The following MCFD2 variants were observed in gnomAD, a reference collection of about 807,000 sequenced individuals.
MCFD2 encodes the protein multiple coagulation factor deficiency protein 2.
Under a neutral mutation model 12.8 loss-of-function variants are expected in MCFD2, and 11 were observed. The ratio of observed to expected loss-of-function variants is 0.86; its 90% confidence interval spans 0.54 to 1.42. MCFD2 has a LOEUF of 1.42. MCFD2 is among the 40% of genes most tolerant of loss of function. The pLI is 0.00. For missense variants in MCFD2, 191 were observed against 178.6 expected (o/e 1.07, Z -0.40); for synonymous variants, 70 against 68.1 (o/e 1.03, Z -0.14).
upstream of MCFD2, among the ~76,000 whole-genome samples, chr2:46,918,441 A>G (rs1448885670): frequency 6.6e-6 from 1 of 152,210 alleles, no homozygotes; most frequent in African/African-American, 2.4e-5. Context: ...TCCTGCTTCC[A>G]TTCTTGCCCT....
intron 1 of MCFD2, among the ~76,000 whole-genome samples, chr2:46,914,877 G>A (rs1186411796): frequency 6.6e-6 from 1 of 152,234 alleles, no homozygotes; most frequent in Non-Finnish European, 1.5e-5. Flanking sequence ...TATGGTTGAA[G>A]ACACAGTACA....
At chr2:46,934,248 T>C (rs1388000695) in intron 1 of MCFD2, among the ~76,000 whole-genome samples, 1 of 152,208 alleles carries the variant, frequency 6.6e-6, no homozygotes, top group Non-Finnish European at 1.5e-5. Flanking sequence ...GAAGAAACCA[T>C]TTAAATGAAC....
chr2:46,931,928 C>T (rs1300817393), intron 1 of MCFD2, among the ~76,000 whole-genome samples: 2 of 152,042 alleles, frequency 1.3e-5, no homozygotes, highest in Admixed American at 6.6e-5. Context: ...TAAGTTGATT[C>T]CAGAAATGTG....
rs980065051 is a variant in MCFD2 at position 46,937,867 on chromosome 2, G to T, written c.-8+3705C>A. On this transcript the variant is annotated intron_variant, in intron 1 of 2. Coordinates refer to the MCFD2 transcript ENST00000409147. The surrounding 1 kb of genome is among the most constrained non-coding windows in gnomAD (Gnocchi z 4.0). ...GTGAAAGCAAAATGTGCTGTAATTA[G>T]TTCTTTGTCAAGAGAGAAGTCTGTT... Among the ~76,000 whole-genome samples the T allele has an allele frequency of 6.6e-6, 1 of 152,168 alleles. No homozygotes were observed.
intron 1 of MCFD2, among the ~76,000 whole-genome samples, chr2:46,933,157 C>G (rs1669800442): frequency 6.6e-6 from 1 of 152,088 alleles, no homozygotes; most frequent in African/African-American, 2.4e-5. Flanking sequence ...GAGAGGGGCC[C>G]ATTGTAGCAG....
intron 1 of MCFD2, among the ~76,000 whole-genome samples, chr2:46,910,484 C>T (rs1202581676): frequency 6.6e-6 from 1 of 152,164 alleles, no homozygotes; most frequent in Non-Finnish European, 1.5e-5. Flanking sequence ...AAAGACAAAC[C>T]ATAAGGCACT....
chr2:46,940,095 CCT>C lies in MCFD2; in HGVS notation c.-8+1475_-8+1476del, dbSNP rs1670206579. ...AGGAAGACTGTCTTCAACTAATCAC[CCT>C]GTGTGGCTTCATGTGAAAGGCCACA... is the stretch of plus-strand genomic sequence containing the variant. On this transcript the variant is annotated intron_variant, in intron 1 of 2. Transcript: ENST00000409147. This position sits in a 1 kb window ranked among gnomAD's most constrained non-coding sequence, Gnocchi z 4.7. Among the ~76,000 whole-genome samples, 1 of 152,056 alleles carries C rather than the reference CCT, an allele frequency of 6.6e-6. No individual in the cohort carries two copies. Among genetic ancestry groups the C allele is most frequent in the African/African-American group, 2.4e-5 (1 of 41,406 alleles).
Position 46,902,080 on chromosome 2 carries a change from G to T in MCFD2, c.*3383C>A, listed in dbSNP as rs969427644. ...CTGTATACATCCTACGACAAATTTTGTAGTCTCTTTTTCCCATTCAATCAT... is the reference window on the plus strand; with the variant it reads ...CTGTATACATCCTACGACAAATTTTTTAGTCTCTTTTTCCCATTCAATCAT... On this transcript the variant is annotated 3_prime_UTR_variant, in exon 4 of 4. Coordinates refer to ENST00000319466, the MANE Select transcript of MCFD2 (RefSeq NM_139279.6). The T allele has an allele frequency of 6.6e-6, 1 of 152,636 alleles. No homozygotes were observed. Among genetic ancestry groups the T allele is most frequent in the African/African-American group, 2.4e-5 (1 of 41,464 alleles). 9.5% of individuals were successfully genotyped at this position (152,636 alleles called of 1,614,324 possible).
At chr2:46,931,406 A>G (rs907198486) in intron 1 of MCFD2, among the ~76,000 whole-genome samples, 3 of 152,246 alleles carry the variant, frequency 2.0e-5, no homozygotes, top group Admixed American at 6.5e-5. Context: ...TTTACATGCA[A>G]AAAGGACTTT....
At chr2:46,931,031 A>C (rs895416832) in intron 1 of MCFD2, among the ~76,000 whole-genome samples, 1 of 152,236 alleles carries the variant, frequency 6.6e-6, no homozygotes, top group Non-Finnish European at 1.5e-5. Flanking sequence ...TCTAAACAAA[A>C]CATTTTATTA....
intron 1 of MCFD2, among the ~76,000 whole-genome samples, chr2:46,931,689 CAATAATAA>C (rs1357284413): frequency 8.6e-6 from 1 of 116,672 alleles, no homozygotes; most frequent in Non-Finnish European, 1.7e-5. Flanking sequence ...CAAAAACAGA[CAATAATAA>C]ATAAATAAAT....
intron 1 of MCFD2, among the ~76,000 whole-genome samples, chr2:46,922,544 T>C (rs928747801): frequency 1.5e-5 from 2 of 135,456 alleles, no homozygotes; most frequent in Admixed American, 1.4e-4. Flanking sequence ...AATTTTTTTT[T>C]CCCCAGTCAA....
Position 46,908,962 on chromosome 2 carries a change from C to CGCTG in MCFD2, c.149+57_149+60dup. The CGCTG allele has an allele frequency of 6.3e-7, 1 of 1,599,606 alleles. No homozygotes were observed. Among genetic ancestry groups the CGCTG allele is most frequent in the Non-Finnish European group, 8.6e-7 (1 of 1,166,738 alleles). ...AAAGGAGGACTGAGCATGCCCTTGC[C>CGCTG]GCTGGCTCAGCTGCAGATGATGGGG... On this transcript the variant is annotated intron_variant, in intron 2 of 3. Coordinates refer to ENST00000319466, the MANE Select transcript of MCFD2 (RefSeq NM_139279.6). This position sits in a 1 kb window ranked among gnomAD's most constrained non-coding sequence, Gnocchi z 4.5.
Position 46,915,799 on chromosome 2 carries a change from C to T in MCFD2, c.-83G>A. The T allele has an allele frequency of 1.4e-6, 1 of 702,870 alleles. No homozygotes were observed. The highest frequency in any genetic ancestry group is 6.7e-4 in the Middle Eastern group (1 of 1,488). 43.5% of individuals were successfully genotyped at this position (702,870 alleles called of 1,614,324 possible). A position where few individuals can be genotyped will look rare whatever the true frequency, so the allele number is the denominator to read the frequency against. On this transcript the variant is annotated 5_prime_UTR_variant, in exon 1 of 4. Transcript: ENST00000319466. Reference sequence around the variant, plus strand: ...CCCCCGTCCCCAAAACGCTCTTCCTCGGCTTCGCCCCGCCCCCCCCCCCCC... The same window carrying T: ...CCCCCGTCCCCAAAACGCTCTTCCTTGGCTTCGCCCCGCCCCCCCCCCCCC...
intron 1 of MCFD2, among the ~76,000 whole-genome samples, chr2:46,931,661 G>T (rs1237756781): frequency 6.6e-6 from 1 of 151,044 alleles, no homozygotes; most frequent in African/African-American, 2.5e-5. Flanking sequence ...AGGCCAGCTG[G>T]TTCTTTGGGG....
chr2:46,933,750 T>C (rs1189453825), intron 1 of MCFD2, among the ~76,000 whole-genome samples: 1 of 152,222 alleles, frequency 6.6e-6, no homozygotes, highest in Non-Finnish European at 1.5e-5. Context: ...ATGATCTGAG[T>C]GGCTGAAATG....
At chr2:46,927,151 G>A (rs2103824639) in intron 1 of MCFD2, among the ~76,000 whole-genome samples, 1 of 152,056 alleles carries the variant, frequency 6.6e-6, no homozygotes, top group African/African-American at 2.4e-5. Flanking sequence ...AGTCACAGGA[G>A]GAGAGGAGAG....
intron 1 of MCFD2, among the ~76,000 whole-genome samples, chr2:46,924,880 G>A (rs1317889874): frequency 6.6e-6 from 1 of 152,248 alleles, no homozygotes; most frequent in Non-Finnish European, 1.5e-5. Context: ...GCCTGCCTTG[G>A]CCTTCCAGAG....
chr2:46,930,497 A>ATT (rs575100979), intron 1 of MCFD2, among the ~76,000 whole-genome samples: 72 of 132,028 alleles, frequency 5.5e-4, no homozygotes, highest in African/African-American at 1.8e-3. Context: ...AAGTCCTATA[A>ATT]TTTTTTTTTT....
Sources: gnomAD v4.1 joint callset for allele counts (sites outside exome capture counted in the v4.1 genomes callset) on GRCh38, gnomAD v4.1.1 for gene constraint, Gnocchi (gnomAD v3.1) non-coding constraint, MANE v1.5 for transcripts, NCBI Gene and HGNC (gene_info 2026-07-23, HGNC 2026-07-21) for gene names.